CUX2: variants seen among roughly 807,000 people sequenced by gnomAD.
The protein encoded by CUX2 is homeobox protein cut-like 2.
CUX2 carries 40 observed loss-of-function variants against 144.8 expected under a neutral mutation model. The observed-to-expected ratio is 0.28, with a 90% CI of 0.21 to 0.36. The LOEUF is 0.36. Ranked by LOEUF, CUX2 falls within the 10% of genes least tolerant of loss-of-function variation. The probability of loss-of-function intolerance (pLI) is 1.00; values close to 1 mark genes in which losing one functional copy is unlikely to be tolerated. For missense variants in CUX2, 1,615 were observed against 1,994.0 expected (o/e 0.81, Z 3.62); for synonymous variants, 827 against 875.6 (o/e 0.94, Z 0.98).
chr12:111,320,179 C>A lies in CUX2; in HGVS notation c.2170C>A (p.Pro724Thr), dbSNP rs773969591. The change falls in exon 17 of 22, where the codon CCC becomes ACC. Residue 724 changes from proline to threonine, a missense_variant. By Grantham distance (38) the Pro-to-Thr change is conservative (BLOSUM62 -1). Around this residue, in one of 12 missense-constraint regions of CUX2, gnomAD observed 390 missense variants for 387.1 expected, o/e 1.01. Transcript: ENST00000261726. The surrounding 1 kb of genome is among the most constrained non-coding windows in gnomAD (Gnocchi z 8.1). ...GGTGGCGCCCAGGGGCCGCTCGGTG[C>A]CCCCCTCGCCCCCGGAGCGGCCATC... ...MEVAPRGRSV[P>T]PSPPERPSLA... 8 of 1,527,422 alleles carry A rather than the reference C, an allele frequency of 5.2e-6. No homozygotes were observed. Among genetic ancestry groups the A allele is most frequent in the South Asian group, 3.7e-5 (3 of 81,948 alleles). The allele number at this position is 1,527,422 out of a possible 1,614,324, so 94.6% of individuals were successfully genotyped here.
chr12:111,079,169 G>A (rs528097401), intron 1 of CUX2, among the ~76,000 whole-genome samples: 5 of 152,168 alleles, frequency 3.3e-5, no homozygotes, highest in South Asian at 2.1e-4. Context: ...TCATTCACAC[G>A]TACAAGCAGG....
chr12:111,230,221 G>A (rs1477834622), intron 3 of CUX2, among the ~76,000 whole-genome samples: 1 of 150,954 alleles, frequency 6.6e-6, no homozygotes, highest in African/African-American at 2.4e-5. Flanking sequence ...GGAACGGGGA[G>A]GGGAGGAATG....
intron 1 of CUX2, among the ~76,000 whole-genome samples, chr12:111,212,393 C>A (rs1396786046): frequency 6.6e-6 from 1 of 152,116 alleles, no homozygotes; most frequent in African/African-American, 2.4e-5. Flanking sequence ...TGTTTCCGCT[C>A]CCCCACCAAA....
At chr12:111,105,179 G>A (rs1160896286) in intron 1 of CUX2, among the ~76,000 whole-genome samples, 1 of 152,196 alleles carries the variant, frequency 6.6e-6, no homozygotes, top group Non-Finnish European at 1.5e-5. Context: ...GACCTTCACT[G>A]CTTCTGGTGC....
In CUX2 at chr12:111,281,556, C is replaced by T. The variant is rs916752218; in HGVS notation, c.302-9862C>T. ...AAAGACAAGGGTCTCATTTATCTCA[C>T]TCACCATCATGCCTCCCACAGACGC... is the stretch of plus-strand genomic sequence containing the variant. On this transcript the variant is annotated intron_variant, in intron 4 of 21. Coordinates refer to ENST00000261726, the MANE Select transcript of CUX2 (RefSeq NM_015267.4). 2.0e-5 allele frequency among the ~76,000 whole-genome samples: 3 copies of T among 152,246 alleles called. No individual in the cohort carries two copies. The South Asian group carries it at 6.2e-4, about 32-fold the overall frequency.
intron 1 of CUX2, among the ~76,000 whole-genome samples, chr12:111,036,971 G>A (rs1193360152): frequency 7.0e-6 from 1 of 143,226 alleles, no homozygotes; most frequent in Non-Finnish European, 1.5e-5. Context: ...TAAGCACTTT[G>A]GCCTGGGATC....
chr12:111,276,919 T>G (rs1884905933), intron 4 of CUX2, among the ~76,000 whole-genome samples: 1 of 152,164 alleles, frequency 6.6e-6, no homozygotes, highest in Non-Finnish European at 1.5e-5. Flanking sequence ...AGTGCTGGGA[T>G]TACAGGCGTG....
rs565071110 is a variant in CUX2, at chr12:111,263,508, C to T, written c.223-253C>T. Among the ~76,000 whole-genome samples the T allele has an allele frequency of 6.6e-6, 1 of 152,220 alleles. No homozygotes were observed. The highest frequency in any genetic ancestry group is 1.9e-4 in the East Asian group (1 of 5,186). On this transcript the variant is annotated intron_variant, in intron 3 of 21. Transcript: ENST00000261726. The surrounding 1 kb of genome is among the most constrained non-coding windows in gnomAD (Gnocchi z 4.0). ...GTAGTGGTAGCAGGCACCTGTAATC[C>T]CAGCTACTCAGGAGGCTGAGGCAGA...
At chr12:111,290,294 C>T (rs1348940484) in intron 4 of CUX2, among the ~76,000 whole-genome samples, 2 of 152,148 alleles carry the variant, frequency 1.3e-5, no homozygotes, top group East Asian at 3.9e-4. Context: ...CAGAATCTCA[C>T]TCTGTTGCTG....
At chr12:111,330,732 T>TAC (rs1565926344) in intron 18 of CUX2, among the ~76,000 whole-genome samples, 1 of 53,592 alleles carries the variant, frequency 1.9e-5, no homozygotes, top group African/African-American at 7.1e-5. Flanking sequence ...TATATATATA[T>TAC]ATATATATAT....
intron 2 of CUX2, 35 bp downstream of exon 2, chr12:111,214,345 T>C: frequency 8.1e-7 from 1 of 1,241,538 alleles, no homozygotes; most frequent in Non-Finnish European, 1.2e-6. Context: ...ATTAACTCAG[T>C]AGGAATGCAG....
intron 1 of CUX2, among the ~76,000 whole-genome samples, chr12:111,121,119 A>C (rs1301652503): frequency 2.0e-5 from 3 of 150,030 alleles, no homozygotes; most frequent in Non-Finnish European, 3.0e-5. Flanking sequence ...AAAAAAAAAA[A>C]CAACCCACAA....
intron 1 of CUX2, among the ~76,000 whole-genome samples, chr12:111,161,586 C>T (rs917541393): frequency 6.6e-6 from 1 of 152,186 alleles, no homozygotes; most frequent in African/African-American, 2.4e-5. Flanking sequence ...CAATTACTCT[C>T]ATTGTACAGA....
At chr12:111,130,565 G>C (rs891032317) in intron 1 of CUX2, among the ~76,000 whole-genome samples, 1 of 152,240 alleles carries the variant, frequency 6.6e-6, no homozygotes, top group Non-Finnish European at 1.5e-5. Flanking sequence ...AGAGAAGAAT[G>C]ATCTCAGAGC....
chr12:111,192,269 A>G (rs753933524), intron 1 of CUX2, among the ~76,000 whole-genome samples: 11 of 151,926 alleles, frequency 7.2e-5, no homozygotes, highest in Non-Finnish European at 1.2e-4. Context: ...TAGGACTACA[A>G]GCACACACCA....
intron 4 of CUX2, among the ~76,000 whole-genome samples, chr12:111,279,875 G>T (rs80345690): frequency 6.6e-6 from 1 of 152,222 alleles, no homozygotes; most frequent in Non-Finnish European, 1.5e-5. Context: ...CCAGCTACTC[G>T]GGAGGCTGAG....
At chr12:111,170,939 G>A (rs1192512624) in intron 1 of CUX2, among the ~76,000 whole-genome samples, 4 of 152,116 alleles carry the variant, frequency 2.6e-5, no homozygotes, top group Non-Finnish European at 5.9e-5. Context: ...AAGGAGGGAT[G>A]GACCGGGCCC....
chr12:111,335,640 G>A (rs1044583147), intron 19 of CUX2, among the ~76,000 whole-genome samples: 10 of 152,010 alleles, frequency 6.6e-5, no homozygotes, highest in Admixed American at 3.3e-4. Flanking sequence ...CCAGGAGGTG[G>A]AGGTTGCAGT....
chr12:111,123,129 C>T (rs1352452404), intron 1 of CUX2, among the ~76,000 whole-genome samples: 1 of 152,192 alleles, frequency 6.6e-6, no homozygotes, highest in African/African-American at 2.4e-5. Flanking sequence ...TCAGAAAACT[C>T]AATAAACCCC....
Sources: gnomAD v4.1 joint callset for allele counts (sites outside exome capture counted in the v4.1 genomes callset) on GRCh38, gnomAD v4.1.1 for gene constraint, gnomAD v4.1.1 regional missense constraint, Gnocchi (gnomAD v3.1) non-coding constraint, MANE v1.5 for transcripts, NCBI Gene and HGNC (gene_info 2026-07-23, HGNC 2026-07-21) for gene names.